Variants in CDK5RAP2 observed in about 807,000 individuals in gnomAD.
The protein encoded by CDK5RAP2 is CDK5 regulatory subunit associated protein 2, also known as CDK5 regulatory subunit-associated protein 2.
Under a neutral mutation model 232.9 loss-of-function variants are expected in CDK5RAP2, and 147 were observed. That is an observed-to-expected ratio of 0.63 (90% confidence interval 0.55 to 0.72). CDK5RAP2 has a LOEUF of 0.72. Among genes scored for constraint, CDK5RAP2 ranks in the 30% least tolerant of loss-of-function variants. The pLI, the probability that CDK5RAP2 is intolerant of heterozygous loss-of-function variation, is 0.00. For missense variants in CDK5RAP2, 2,195 were observed against 2,231.5 expected (o/e 0.98, Z 0.33); for synonymous variants, 833 against 833.7 (o/e 1.00, Z 0.01).
chr9:120,524,043 G>T (rs1252828916), intron 11 of CDK5RAP2, among the ~76,000 whole-genome samples: 2 of 152,126 alleles, frequency 1.3e-5, no homozygotes, highest in South Asian at 2.1e-4. Context: ...GAGTCAGATT[G>T]GCTCTGGAGT....
chr9:120,471,971 T>G, intron 15 of CDK5RAP2, 93 bp from the exon 16 acceptor site: 1 of 1,519,854 alleles, frequency 6.6e-7, no homozygotes, highest in Non-Finnish European at 9.1e-7. Context: ...TTTTATGTCA[T>G]TTGTGTTTTT....
chr9:120,421,965 C>G (rs2034593729), intron 26 of CDK5RAP2, among the ~76,000 whole-genome samples: 1 of 152,236 alleles, frequency 6.6e-6, no homozygotes, highest in South Asian at 2.1e-4. Context: ...ATGGTGAGAA[C>G]TAGTAAATGT....
chr9:120,569,974 T>C (rs1364290133), intron 2 of CDK5RAP2, among the ~76,000 whole-genome samples: 1 of 151,588 alleles, frequency 6.6e-6, no homozygotes, highest in African/African-American at 2.4e-5. Flanking sequence ...TGAAGTGAAA[T>C]ACACAATGTT....
At chr9:120,450,164 G>A (rs926246857) in intron 21 of CDK5RAP2, among the ~76,000 whole-genome samples, 4 of 152,312 alleles carry the variant, frequency 2.6e-5, no homozygotes, top group African/African-American at 9.6e-5. Flanking sequence ...ATGGAATACT[G>A]TTTGGCAATA....
chr9:120,568,393 A>G lies in CDK5RAP2; in HGVS notation c.128-5T>C. Reference sequence around the variant, plus strand: ...CTTCTGACACATTTGGGAGCACTGTAAAAAGGTAAAATAGAGGAAAACGTC... The same window carrying G: ...CTTCTGACACATTTGGGAGCACTGTGAAAAGGTAAAATAGAGGAAAACGTC... On this transcript the variant is annotated splice_region_variant and splice_polypyrimidine_tract_variant and intron_variant, in intron 2 of 37. Coordinates refer to ENST00000349780, the MANE Select transcript of CDK5RAP2 (RefSeq NM_018249.6). The G allele has an allele frequency of 6.2e-7, 1 of 1,608,942 alleles. No homozygotes were observed. Among genetic ancestry groups the G allele is most frequent in the Non-Finnish European group, 8.5e-7 (1 of 1,175,248 alleles).
At chr9:120,550,645 A>C in intron 4 of CDK5RAP2, 147 bp downstream of exon 4, 1 of 672,356 alleles carries the variant, frequency 1.5e-6, no homozygotes. Flanking sequence ...AGTCATCCTA[A>C]TATCTTTATG....
At chr9:120,513,443 A>C (rs2040185518) in intron 12 of CDK5RAP2, among the ~76,000 whole-genome samples, 1 of 152,150 alleles carries the variant, frequency 6.6e-6, no homozygotes, top group East Asian at 1.9e-4. Context: ...TCTCGGGTTA[A>C]TCTCCTGACA....
intron 20 of CDK5RAP2, among the ~76,000 whole-genome samples, chr9:120,454,773 C>T (rs1335905844): frequency 6.6e-6 from 1 of 152,196 alleles, no homozygotes; most frequent in Non-Finnish European, 1.5e-5. Context: ...GTAAATGTCC[C>T]AGTCTCCCAT....
intron 18 of CDK5RAP2, among the ~76,000 whole-genome samples, chr9:120,463,936 C>T (rs994137893): frequency 6.6e-6 from 1 of 152,192 alleles, no homozygotes; most frequent in Non-Finnish European, 1.5e-5. Context: ...ATACCTGGCT[C>T]GGCTTCCAGC....
intron 3 of CDK5RAP2, among the ~76,000 whole-genome samples, chr9:120,563,678 C>T (rs1396224729): frequency 1.3e-5 from 2 of 151,808 alleles, no homozygotes; most frequent in African/African-American, 2.4e-5. Context: ...GAAACCCAGT[C>T]CTCATCATTC....
At chr9:120,524,596 T>A (rs901084754) in intron 11 of CDK5RAP2, among the ~76,000 whole-genome samples, 1 of 150,758 alleles carries the variant, frequency 6.6e-6, no homozygotes, top group African/African-American at 2.5e-5. Context: ...AGAGATTGCA[T>A]CACTGCACTC....
intron 17 of CDK5RAP2, among the ~76,000 whole-genome samples, chr9:120,468,955 G>A (rs189362277): frequency 2.6e-5 from 4 of 152,146 alleles, no homozygotes; most frequent in Admixed American, 6.5e-5. Flanking sequence ...AAATTGGATC[G>A]AATCCTCAAG....
chr9:120,396,177 C>T (rs1452499012), intron 35 of CDK5RAP2, among the ~76,000 whole-genome samples: 1 of 152,200 alleles, frequency 6.6e-6, no homozygotes, highest in African/African-American at 2.4e-5. Context: ...TAAGATTAAC[C>T]AGTCATGTCA....
chr9:120,487,200 T>C, intron 14 of CDK5RAP2, 94 bp downstream of exon 14: 2 of 1,386,296 alleles, frequency 1.4e-6, no homozygotes, highest in South Asian at 2.3e-5. Flanking sequence ...AAGAAGGCAT[T>C]TGAGGATCTC....
At chr9:120,421,599 G>C (rs1033561470) in intron 26 of CDK5RAP2, among the ~76,000 whole-genome samples, 1 of 152,112 alleles carries the variant, frequency 6.6e-6, no homozygotes, top group Non-Finnish European at 1.5e-5. Context: ...TTAAAGAAGA[G>C]GAAAGTACAC....
chr9:120,493,414 T>C (rs1175983370), intron 12 of CDK5RAP2, among the ~76,000 whole-genome samples: 1 of 152,326 alleles, frequency 6.6e-6, no homozygotes, highest in African/African-American at 2.4e-5. Context: ...GGTAACTAAA[T>C]AGGTGATGAA....
intron 9 of CDK5RAP2, 62 bp from the exon 10 acceptor site, chr9:120,527,987 T>C (rs2131901825): frequency 1.3e-6 from 2 of 1,595,960 alleles, no homozygotes; most frequent in Non-Finnish European, 1.7e-6. Context: ...GCACCATAAA[T>C]ATATCTTTAA....
rs372172791 is a variant in CDK5RAP2, at chr9:120,530,257, C to T, written c.663-117G>A. On this transcript the variant is annotated intron_variant, in intron 7 of 37. Coordinates refer to ENST00000349780, the MANE Select transcript of CDK5RAP2 (RefSeq NM_018249.6). Reference sequence around the variant, plus strand: ...AAAGTAGACATATACAATGGCTGAACACAAACAGAATCACATTTTGCAGGT... The same window carrying T: ...AAAGTAGACATATACAATGGCTGAATACAAACAGAATCACATTTTGCAGGT... 118 of 707,630 alleles carry T rather than the reference C, an allele frequency of 1.7e-4. No homozygotes were observed. In the East Asian group the frequency reaches 2.7e-3, roughly 16 times the overall value. The allele number at this position is 707,630 out of a possible 1,614,324, so 43.8% of individuals were successfully genotyped here.
chr9:120,458,772 G>T, intron 19 of CDK5RAP2, 150 bp from the exon 20 acceptor site: 1 of 707,232 alleles, frequency 1.4e-6, no homozygotes, highest in Non-Finnish European at 2.5e-6. Context: ...AGGGGGAGGA[G>T]AAGGAGGAAG....
Sources: allele counts gnomAD v4.1 joint callset (sites outside exome capture counted in the v4.1 genomes callset), GRCh38; gene constraint gnomAD v4.1.1; transcripts MANE v1.5; gene names NCBI Gene and HGNC (gene_info 2026-07-23, HGNC 2026-07-21).